The following PTPRN2 variants were observed in gnomAD, a reference collection of about 807,000 sequenced individuals.
The protein encoded by PTPRN2 is receptor-type tyrosine-protein phosphatase N2.
A neutral mutation model predicts 118.8 loss-of-function variants in PTPRN2; 74 were observed. The observed-to-expected ratio is 0.62, with a 90% CI of 0.52 to 0.76. The LOEUF (loss-of-function observed/expected upper bound fraction) is 0.76. Ranked by LOEUF, PTPRN2 falls within the 30% of genes least tolerant of loss-of-function variation. The pLI, the probability that PTPRN2 is intolerant of heterozygous loss-of-function variation, is 0.00. For missense variants in PTPRN2, 1,481 were observed against 1,394.4 expected (o/e 1.06, Z -0.99); for synonymous variants, 641 against 608.0 (o/e 1.05, Z -0.80).
rs370789955 is a variant in PTPRN2, at chr7:158,565,530, A to G, written c.112+22028T>C. The stretch of plus-strand genomic sequence containing the variant: ...GAATTCCAAACAGGGCCTCAGCTCA[A>G]TGGTGAGAAATCTTAACTCGGACGG... On this transcript the variant is annotated intron_variant, in intron 1 of 22. Coordinates refer to ENST00000389418, the MANE Select transcript of PTPRN2 (RefSeq NM_002847.5). This position sits in a 1 kb window ranked among gnomAD's most constrained non-coding sequence, Gnocchi z 4.6. Among the ~76,000 whole-genome samples, 3 of 152,290 alleles carry G rather than the reference A, an allele frequency of 2.0e-5. No homozygotes were observed. The East Asian group carries it at 5.8e-4, about 29-fold the overall frequency.
intron 10 of PTPRN2, among the ~76,000 whole-genome samples, chr7:158,089,390 G>A (rs375689542): frequency 9.6e-4 from 27 of 28,050 alleles, no homozygotes; most frequent in African/African-American, 1.4e-3. Flanking sequence ...CTGAGGAAAG[G>A]GGGAGTCTTC....
chr7:158,328,995 G>C (rs1423242865), intron 2 of PTPRN2, among the ~76,000 whole-genome samples: 1 of 151,760 alleles, frequency 6.6e-6, no homozygotes, highest in Non-Finnish European at 1.5e-5. Context: ...CTTATGATGA[G>C]ATTGTGGGTG....
intron 11 of PTPRN2, among the ~76,000 whole-genome samples, chr7:158,065,162 ACTGT>A (rs1237571856): frequency 6.6e-6 from 1 of 152,208 alleles, no homozygotes; most frequent in Non-Finnish European, 1.5e-5. Context: ...AGTGGCTCTG[ACTGT>A]CTGGTGGCAG....
At chr7:158,150,830 T>C (rs11575995) in intron 6 of PTPRN2, among the ~76,000 whole-genome samples, 58,308 of 151,594 alleles carry the variant, frequency 0.38, 12,228 homozygotes, top group African/African-American at 0.55. Context: ...CCATGATGGT[T>C]GCACCCCAGC....
chr7:158,153,103 C>T (rs1821363696), intron 6 of PTPRN2, among the ~76,000 whole-genome samples: 1 of 152,194 alleles, frequency 6.6e-6, no homozygotes, highest in Non-Finnish European at 1.5e-5. Flanking sequence ...GACCGACAGA[C>T]ACCAGCATAC....
Position 157,826,233 on chromosome 7 carries a change from C to T in PTPRN2, c.1788+72440G>A, listed in dbSNP as rs1038240959. On this transcript the variant is annotated intron_variant, in intron 12 of 22. Transcript: ENST00000389418. ...ACACGATCGTCACAATCGCGAGCGC[C>T]ATTTCCACGCGTGCTGTGCAAAGAC... is the stretch of plus-strand genomic sequence containing the variant. 7.8e-5 allele frequency among the ~76,000 whole-genome samples: 11 copies of T among 141,132 alleles called. No individual in the cohort carries two copies. The East Asian group carries it at 1.9e-3, about 25-fold the overall frequency. The allele number at this position is 141,132 out of a possible 152,430, so 92.6% of individuals were successfully genotyped here. A position where few individuals can be genotyped will look rare whatever the true frequency, so the allele number is the denominator to read the frequency against.
At chr7:158,377,894 A>G (rs1164196853) in intron 2 of PTPRN2, among the ~76,000 whole-genome samples, 1 of 152,150 alleles carries the variant, frequency 6.6e-6, no homozygotes, top group Non-Finnish European at 1.5e-5. Context: ...CGTGGCTACA[A>G]CACAGACACA....
chr7:157,694,772 T>TC (rs976208819), intron 12 of PTPRN2, among the ~76,000 whole-genome samples: 2 of 152,022 alleles, frequency 1.3e-5, no homozygotes, highest in Admixed American at 1.3e-4. Flanking sequence ...CTTTTTTCTT[T>TC]TTTTTTTGGT....
chr7:158,266,744 T>C (rs916067134), intron 3 of PTPRN2, among the ~76,000 whole-genome samples: 7 of 152,210 alleles, frequency 4.6e-5, no homozygotes, highest in African/African-American at 1.7e-4. Flanking sequence ...TCTGTAATTT[T>C]TGAAGATTGA....
chr7:157,715,857 G>A (rs1798873493), intron 12 of PTPRN2, among the ~76,000 whole-genome samples: 3 of 152,322 alleles, frequency 2.0e-5, no homozygotes, highest in South Asian at 4.1e-4. Flanking sequence ...AGACACCCAG[G>A]GCAGCACTCC....
intron 16 of PTPRN2, among the ~76,000 whole-genome samples, chr7:157,600,389 T>C (rs1211983349): frequency 6.6e-6 from 1 of 152,254 alleles, no homozygotes; most frequent in East Asian, 1.9e-4. Context: ...TGGGAATTTA[T>C]TGGGAAATTG....
chr7:158,260,829 A>G (rs1198041046), intron 3 of PTPRN2, among the ~76,000 whole-genome samples: 2 of 152,164 alleles, frequency 1.3e-5, no homozygotes, highest in African/African-American at 4.8e-5. Context: ...CCAGGAGAGA[A>G]AGCTGATCAG....
At chr7:158,073,566 C>T (rs1334165469) in intron 11 of PTPRN2, among the ~76,000 whole-genome samples, 1 of 152,198 alleles carries the variant, frequency 6.6e-6, no homozygotes, top group Non-Finnish European at 1.5e-5. Context: ...AGACACTACC[C>T]TTTCTATGCG....
chr7:158,110,278 G>A (rs868449204), intron 10 of PTPRN2, among the ~76,000 whole-genome samples: 1 of 152,194 alleles, frequency 6.6e-6, no homozygotes, highest in South Asian at 2.1e-4. Context: ...CACTTGTCGT[G>A]AGACAGGTAA....
At chr7:158,131,575 TACAC>T (rs1228022629) in intron 9 of PTPRN2, among the ~76,000 whole-genome samples, 2 of 126,668 alleles carry the variant, frequency 1.6e-5, no homozygotes, top group East Asian at 4.9e-4. Flanking sequence ...CTACCCGACA[TACAC>T]ACTCATACAC....
At chr7:158,064,956 G>A (rs1810643338) in intron 11 of PTPRN2, among the ~76,000 whole-genome samples, 2 of 152,174 alleles carry the variant, frequency 1.3e-5, no homozygotes, top group South Asian at 4.1e-4. Context: ...AGGCAGCGCA[G>A]GCATAAACAC....
intron 11 of PTPRN2, among the ~76,000 whole-genome samples, chr7:157,927,948 T>G (rs1433358579): frequency 6.6e-6 from 1 of 152,064 alleles, no homozygotes; most frequent in African/African-American, 2.4e-5. Context: ...TTTTGCAAAC[T>G]AGGGCTGGGG....
At chr7:157,544,563 C>T (rs1328046066) in intron 22 of PTPRN2, among the ~76,000 whole-genome samples, 3 of 152,202 alleles carry the variant, frequency 2.0e-5, no homozygotes, top group African/African-American at 7.2e-5. Context: ...CGGGGCCTCC[C>T]GTCCAGTGAG....
chr7:157,712,026 GC>G (rs1257911565), intron 12 of PTPRN2, among the ~76,000 whole-genome samples: 2 of 78,228 alleles, frequency 2.6e-5, no homozygotes, highest in Non-Finnish European at 5.1e-5. Context: ...GGGGGGCCGG[GC>G]AGGCCACATG....
Sources: gnomAD v4.1 joint callset for allele counts (sites outside exome capture counted in the v4.1 genomes callset) on GRCh38, gnomAD v4.1.1 for gene constraint, Gnocchi (gnomAD v3.1) non-coding constraint, MANE v1.5 for transcripts, NCBI Gene and HGNC (gene_info 2026-07-23, HGNC 2026-07-21) for gene names.